PRKG1: variants seen among roughly 807,000 people sequenced by gnomAD.
PRKG1 encodes protein kinase cGMP-dependent 1, also known as cGMP-dependent protein kinase 1.
Under a neutral mutation model 88.1 loss-of-function variants are expected in PRKG1, and 35 were observed. That is an observed-to-expected ratio of 0.40 (90% CI 0.30 to 0.53). PRKG1 has a LOEUF of 0.53. PRKG1 is among the 20% of genes least tolerant of loss of function. PRKG1 has a pLI of 0.59. For missense variants in PRKG1, 540 were observed against 839.8 expected, an observed-to-expected ratio of 0.64 and a Z score of 4.41; for synonymous variants, 303 against 292.5, an observed-to-expected ratio of 1.04 and a Z score of -0.37.
intron 5 of PRKG1, among the ~76,000 whole-genome samples, chr10:51,977,762 G>T (rs906363388): frequency 4.0e-5 from 6 of 151,736 alleles, no homozygotes; most frequent in Admixed American, 1.3e-4. Context: ...GGCTGAATAT[G>T]TGTCTTCTTT....
intron 3 of PRKG1, among the ~76,000 whole-genome samples, chr10:51,676,388 A>C (rs1015845804): frequency 1.3e-5 from 2 of 151,838 alleles, no homozygotes; most frequent in African/African-American, 4.8e-5. Context: ...CCTTCATCTA[A>C]AATTTATGAG....
chr10:51,446,148 T>A (rs1839266902), intron 2 of PRKG1, among the ~76,000 whole-genome samples: 1 of 152,060 alleles, frequency 6.6e-6, no homozygotes, highest in Non-Finnish European at 1.5e-5. Flanking sequence ...CGTTACAGAA[T>A]ATTCATATGA....
At chr10:52,140,663 C>T (rs575893396) in intron 8 of PRKG1, among the ~76,000 whole-genome samples, 9 of 152,062 alleles carry the variant, frequency 5.9e-5, no homozygotes, top group Non-Finnish European at 1.2e-4. Context: ...AATGACAAAT[C>T]GTGAAAATCC....
intron 5 of PRKG1, among the ~76,000 whole-genome samples, chr10:52,025,152 C>T (rs748000056): frequency 1.3e-5 from 2 of 152,150 alleles, no homozygotes; most frequent in African/African-American, 2.4e-5. Flanking sequence ...CCATTCATAT[C>T]GTTTGCCCAC....
At chr10:51,716,833 T>C (rs1841898380) in intron 3 of PRKG1, among the ~76,000 whole-genome samples, 1 of 152,148 alleles carries the variant, frequency 6.6e-6, no homozygotes, top group African/African-American at 2.4e-5. Context: ...ACTGGGATTA[T>C]AGGTGCAGGC....
At chr10:51,941,506 G>A (rs1045439469) in intron 5 of PRKG1, among the ~76,000 whole-genome samples, 18 of 151,638 alleles carry the variant, frequency 1.2e-4, no homozygotes, top group Non-Finnish European at 2.4e-4. Flanking sequence ...CAATGTGCAG[G>A]TTAGTTACAT....
chr10:51,260,242 G>A (rs1231807910), intron 2 of PRKG1, among the ~76,000 whole-genome samples: 1 of 152,146 alleles, frequency 6.6e-6, no homozygotes, highest in Non-Finnish European at 1.5e-5. Flanking sequence ...CCGTGGAATA[G>A]AAAGCATTTA....
chr10:52,293,908 C>A lies in PRKG1; in HGVS notation c.*8C>A, dbSNP rs761262509. 1.4e-5 allele frequency: 22 copies of A among 1,597,852 alleles called. No homozygotes were observed. The highest frequency in any genetic ancestry group is 1.7e-5 in the Non-Finnish European group (20 of 1,166,628). ...TGGGATATAGACTTCTAATGTATTT[C>A]TCTTACCTGCTTCTGCCTTGCTGAA... On this transcript the variant is annotated 3_prime_UTR_variant, in exon 18 of 18. Coordinates refer to ENST00000373980, the MANE Select transcript of PRKG1 (RefSeq NM_006258.4).
intron 9 of PRKG1, among the ~76,000 whole-genome samples, chr10:52,224,782 C>A (rs548550846): frequency 7.6e-6 from 1 of 130,910 alleles, no homozygotes; most frequent in Non-Finnish European, 1.6e-5. Context: ...TAAGTCACTC[C>A]TTTTTATGGC....
intron 1 of PRKG1, among the ~76,000 whole-genome samples, chr10:51,053,262 A>AC: frequency 6.6e-6 from 1 of 151,530 alleles, no homozygotes; most frequent in East Asian, 1.9e-4. Flanking sequence ...CTAAAAAAAA[A>AC]AACCATTTTC....
chr10:51,759,772 GTA>G (rs928826973), intron 3 of PRKG1, among the ~76,000 whole-genome samples: 3 of 151,862 alleles, frequency 2.0e-5, no homozygotes, highest in South Asian at 2.1e-4. Flanking sequence ...GTGCATGTGT[GTA>G]TGTGTGTGTG....
At chr10:52,213,397 T>G (rs1010067473) in intron 9 of PRKG1, among the ~76,000 whole-genome samples, 3 of 152,198 alleles carry the variant, frequency 2.0e-5, no homozygotes, top group African/African-American at 7.2e-5. Flanking sequence ...CACTATGTCC[T>G]AACATGCAGA....
chr10:51,448,689 A>AT (rs1032198381), intron 2 of PRKG1, among the ~76,000 whole-genome samples: 4 of 151,944 alleles, frequency 2.6e-5, no homozygotes, highest in African/African-American at 9.7e-5. Context: ...TATACCAATG[A>AT]TTTTTTTAAA....
At chr10:51,464,081 C>A (rs1839815800) in intron 2 of PRKG1, among the ~76,000 whole-genome samples, 2 of 151,892 alleles carry the variant, frequency 1.3e-5, no homozygotes, top group East Asian at 2.0e-4. Context: ...ACCGTCTTGG[C>A]CAACATGGTG....
intron 2 of PRKG1, among the ~76,000 whole-genome samples, chr10:51,241,820 A>G (rs1316588128): frequency 2.0e-5 from 3 of 152,108 alleles, no homozygotes; most frequent in Non-Finnish European, 4.4e-5. Context: ...GTCATGCCTG[A>G]CCTGATGAAA....
intron 3 of PRKG1, among the ~76,000 whole-genome samples, chr10:51,630,626 A>G (rs1322744712): frequency 1.3e-5 from 2 of 152,216 alleles, no homozygotes; most frequent in Non-Finnish European, 1.5e-5. Flanking sequence ...TATTGTCAAT[A>G]TTGGTAGGCT....
intron 3 of PRKG1, among the ~76,000 whole-genome samples, chr10:51,671,078 A>C (rs1276115255): frequency 1.3e-5 from 2 of 152,002 alleles, no homozygotes; most frequent in Non-Finnish European, 2.9e-5. Context: ...GTGCTTTCTA[A>C]AGTATATTTT....
At chr10:52,255,335 G>A (rs1220362802) in intron 10 of PRKG1, among the ~76,000 whole-genome samples, 2 of 151,958 alleles carry the variant, frequency 1.3e-5, no homozygotes, top group East Asian at 1.9e-4. Flanking sequence ...TTGTCCCTGC[G>A]AGAAAGGCAC....
intron 9 of PRKG1, among the ~76,000 whole-genome samples, chr10:52,250,006 C>A (rs2132398140): frequency 6.6e-6 from 1 of 152,264 alleles, no homozygotes; most frequent in Middle Eastern, 3.4e-3. Context: ...GGTCTGATCT[C>A]AACAGATGTC....
Sources: gnomAD v4.1 joint callset for allele counts (sites outside exome capture counted in the v4.1 genomes callset) on GRCh38, gnomAD v4.1.1 for gene constraint, MANE v1.5 for transcripts, NCBI Gene and HGNC (gene_info 2026-07-23, HGNC 2026-07-21) for gene names.